Variants in RNF150 observed in about 807,000 individuals in gnomAD.
The protein encoded by RNF150 is ring finger protein 150.
Under a neutral mutation model 39.3 loss-of-function variants are expected in RNF150, and 24 were observed. The ratio of observed to expected loss-of-function variants is 0.61; its 90% CI spans 0.44 to 0.86. The LOEUF (loss-of-function observed/expected upper bound fraction) is 0.86. Among genes scored for constraint, RNF150 ranks in the 40% least tolerant of loss-of-function variants. RNF150 has a pLI of 0.00. For missense variants in RNF150, 502 were observed against 587.8 expected, an observed-to-expected ratio of 0.85 and a Z score of 1.51; for synonymous variants, 255 against 227.3, an observed-to-expected ratio of 1.12 and a Z score of -1.10.
chr4:141,015,265 T>C (rs13129199), intron 1 of RNF150, among the ~76,000 whole-genome samples: 114,968 of 152,096 alleles, frequency 0.76, 44,135 homozygotes, highest in East Asian at 0.91. Flanking sequence ...TTCCAGACTT[T>C]TTCATTTTGC....
chr4:141,096,645 T>TC, intron 1 of RNF150, among the ~76,000 whole-genome samples: 1 of 152,222 alleles, frequency 6.6e-6, no homozygotes, highest in Non-Finnish European at 1.5e-5. Flanking sequence ...ATTAAAGATA[T>TC]CATACCTAAT....
chr4:140,896,687 T>TA (rs368166601), intron 6 of RNF150, among the ~76,000 whole-genome samples: 5,397 of 79,158 alleles, frequency 0.068, 354 homozygotes, highest in African/African-American at 0.19. Context: ...TAGAGTATAA[T>TA]AAAAAAAAAA....
At chr4:141,029,781 G>T (rs1207011957) in intron 1 of RNF150, among the ~76,000 whole-genome samples, 1 of 152,112 alleles carries the variant, frequency 6.6e-6, no homozygotes, top group East Asian at 1.9e-4. Flanking sequence ...TATTGGATAA[G>T]GGATTACTAT....
At chr4:140,948,130 A>AT (rs1186586991) in intron 3 of RNF150, among the ~76,000 whole-genome samples, 2 of 152,140 alleles carry the variant, frequency 1.3e-5, no homozygotes, top group South Asian at 2.1e-4. Flanking sequence ...GGTAGTTCCA[A>AT]TTTTTTTCAA....
intron 1 of RNF150, among the ~76,000 whole-genome samples, chr4:141,116,892 C>A (rs186293561): frequency 1.3e-5 from 2 of 151,670 alleles, no homozygotes; most frequent in Non-Finnish European, 2.9e-5. Context: ...AACACAGGAA[C>A]AGAAAACCAA....
At chr4:140,888,787 T>A (rs1729663843) in intron 6 of RNF150, among the ~76,000 whole-genome samples, 1 of 152,208 alleles carries the variant, frequency 6.6e-6, no homozygotes, top group South Asian at 2.1e-4. Flanking sequence ...ACTCAATAAT[T>A]CTCTCAACCA....
chr4:140,947,848 G>A (rs759606270), intron 3 of RNF150, 112 bp from the exon 4 acceptor site: 24 of 628,050 alleles, frequency 3.8e-5, no homozygotes, highest in Admixed American at 7.9e-5. Context: ...CCGCTGTGCT[G>A]GTGCCAGTTT....
At chr4:140,927,688 G>A (rs1457401720) in intron 4 of RNF150, among the ~76,000 whole-genome samples, 10 of 144,754 alleles carry the variant, frequency 6.9e-5, no homozygotes, top group African/African-American at 1.5e-4. Context: ...TTGCTCTGCC[G>A]CCCAGGCTGG....
At chr4:141,210,733 A>G (rs1478133923) in intron 1 of RNF150, among the ~76,000 whole-genome samples, 1 of 151,882 alleles carries the variant, frequency 6.6e-6, no homozygotes, top group Non-Finnish European at 1.5e-5. Flanking sequence ...CTGGTTTCCT[A>G]CTTAATATCA....
At chr4:141,107,512 T>C (rs1739251738) in intron 1 of RNF150, among the ~76,000 whole-genome samples, 1 of 152,212 alleles carries the variant, frequency 6.6e-6, no homozygotes, top group African/African-American at 2.4e-5. Context: ...CACTAAACCA[T>C]ATAGTCTATA....
intron 6 of RNF150, among the ~76,000 whole-genome samples, chr4:140,891,029 A>G (rs1010124809): frequency 6.6e-6 from 1 of 152,208 alleles, no homozygotes; most frequent in Admixed American, 6.5e-5. Context: ...GTTAACTATA[A>G]TGATAGCTAG....
intron 1 of RNF150, among the ~76,000 whole-genome samples, chr4:141,033,934 G>T (rs539067169): frequency 1.3e-5 from 2 of 152,152 alleles, no homozygotes; most frequent in Non-Finnish European, 1.5e-5. Flanking sequence ...TCGTAAGGGG[G>T]CTAGGATCTT....
intron 4 of RNF150, among the ~76,000 whole-genome samples, chr4:140,936,903 T>C (rs1334169106): frequency 6.6e-6 from 1 of 152,162 alleles, no homozygotes; most frequent in African/African-American, 2.4e-5. Flanking sequence ...TAAATTACCT[T>C]TATATTTGGC....
At chr4:140,954,278 A>C (rs535744588) in intron 2 of RNF150, among the ~76,000 whole-genome samples, 1 of 152,174 alleles carries the variant, frequency 6.6e-6, no homozygotes, top group South Asian at 2.1e-4. Context: ...CAATGGCGTG[A>C]ATCTTGGCTC....
chr4:141,127,848 A>T (rs563312581), intron 1 of RNF150, among the ~76,000 whole-genome samples: 2 of 152,338 alleles, frequency 1.3e-5, no homozygotes, highest in Non-Finnish European at 2.9e-5. Context: ...TTAAAAAAGA[A>T]AAAAATAAAA....
chr4:140,903,457 G>GCAAA (rs1291382818), intron 6 of RNF150, among the ~76,000 whole-genome samples: 1 of 152,068 alleles, frequency 6.6e-6, no homozygotes, highest in Non-Finnish European at 1.5e-5. Flanking sequence ...GAATCGAAAT[G>GCAAA]CAAACACAAA....
intron 1 of RNF150, among the ~76,000 whole-genome samples, chr4:140,978,220 C>A (rs1279001262): frequency 1.3e-5 from 2 of 152,070 alleles, no homozygotes; most frequent in African/African-American, 4.8e-5. Flanking sequence ...TCTGTGCTCC[C>A]CCAAGACTCT....
chr4:141,189,505 C>G (rs1044741929), intron 1 of RNF150, among the ~76,000 whole-genome samples: 3 of 152,142 alleles, frequency 2.0e-5, no homozygotes, highest in Non-Finnish European at 2.9e-5. Context: ...CACAGCTGCC[C>G]CTTCCCCCAG....
At position 141,081,419 on chromosome 4, in the gene RNF150, T is replaced by C. The variant is rs1054146901; in HGVS notation, c.484+50906A>G. Among the ~76,000 whole-genome samples, 93 of 152,186 alleles carry C rather than the reference T, an allele frequency of 6.1e-4. 5 individuals carry two copies. The highest frequency in any genetic ancestry group is 4.4e-5 in the Non-Finnish European group (3 of 68,022). On this transcript the variant is annotated intron_variant, in intron 1 of 6. Transcript: ENST00000515673. ...TCATACTCTCCAAAATGGAAGAACCTAAAGACCAGTGCTTCCATCGGACAG... is the reference window on the plus strand; with the variant it reads ...TCATACTCTCCAAAATGGAAGAACCCAAAGACCAGTGCTTCCATCGGACAG...
Sources: allele counts gnomAD v4.1 joint callset (sites outside exome capture counted in the v4.1 genomes callset), GRCh38; gene constraint gnomAD v4.1.1; transcripts MANE v1.5; gene names NCBI Gene and HGNC (gene_info 2026-07-23, HGNC 2026-07-21).